Variants in GLI2 observed in about 807,000 individuals in gnomAD.
GLI2 encodes GLI family zinc finger 2.
In GLI2, 22 loss-of-function variants were observed where a neutral mutation model predicts 78.9. That is an observed-to-expected ratio of 0.28 (90% confidence interval 0.20 to 0.40). The LOEUF is 0.40. GLI2 is among the 10% of genes least tolerant of loss of function. The probability of loss-of-function intolerance (pLI) is 1.00; values close to 1 mark genes in which losing one functional copy is unlikely to be tolerated. For synonymous variants in GLI2, 974 were observed against 963.7 expected, an observed-to-expected ratio of 1.01 and a Z score of -0.20; for missense variants, 2,097 against 2,213.2, an observed-to-expected ratio of 0.95 and a Z score of 1.05.
intron 2 of GLI2, among the ~76,000 whole-genome samples, chr2:120,824,787 C>A (rs1685959400): frequency 6.6e-6 from 1 of 152,198 alleles, no homozygotes; most frequent in African/African-American, 2.4e-5. Context: ...ACTCCCTTGT[C>A]AGTGACACAC....
intron 11 of GLI2, 70 bp from the exon 12 acceptor site, chr2:120,984,401 C>A: frequency 1.3e-6 from 2 of 1,522,622 alleles, no homozygotes; most frequent in Non-Finnish European, 1.8e-6. Flanking sequence ...TTCAGGAGAA[C>A]AGGGAGAGCG....
chr2:120,986,102 C>G (rs1206368658), intron 12 of GLI2, among the ~76,000 whole-genome samples, 176 bp from the exon 13 acceptor site: 1 of 152,364 alleles, frequency 6.6e-6, no homozygotes, highest in South Asian at 2.1e-4. Context: ...GTGACTTGAC[C>G]GTTTTAAGCA....
At position 120,988,793 on chromosome 2, in the gene GLI2, A is replaced by G; in HGVS notation, c.2828A>G (p.Glu943Gly). 2.2e-6 allele frequency: 3 copies of G among 1,370,262 alleles called. No individual in the cohort carries two copies. Among genetic ancestry groups the G allele is most frequent in the Non-Finnish European group, 1.9e-6 (2 of 1,061,674 alleles). The allele number at this position is 1,370,262 out of a possible 1,614,324, so 84.9% of individuals were successfully genotyped here. The change falls in exon 14 of 14, where the codon GAG (glutamate) becomes GGG (glycine). Residue 943 changes from glutamate to glycine, a missense_variant. This residue lies in a region of GLI2 where 1,290 missense variants were observed against 1,261.7 expected (regional missense o/e 1.02). Coordinates refer to ENST00000361492, the MANE Select transcript of GLI2 (RefSeq NM_001374353.1). Reference protein sequence around the residue: ...HAGAAPAFPHEAPGGGARRAS... With the variant: ...HAGAAPAFPHGAPGGGARRAS... Reference sequence around the variant, plus strand: ...GGGGCTGCGCCCGCCTTCCCCCACGAGGCTCCAGGCGGCGGAGCCAGGCGG... The same window carrying G: ...GGGGCTGCGCCCGCCTTCCCCCACGGGGCTCCAGGCGGCGGAGCCAGGCGG...
chr2:120,972,612 T>G (rs1468078047), intron 8 of GLI2: 1 of 518,268 alleles, frequency 1.9e-6, no homozygotes, highest in Non-Finnish European at 3.9e-6. Context: ...CTCTAAGCTT[T>G]GGAGAGGTGG....
intron 1 of GLI2, among the ~76,000 whole-genome samples, chr2:120,750,120 A>G (rs894499395): frequency 6.6e-6 from 1 of 152,246 alleles, no homozygotes; most frequent in Non-Finnish European, 1.5e-5. Flanking sequence ...CAGCAGAGAC[A>G]TCCTCTGCCT....
chr2:120,876,958 C>T (rs568361861), intron 2 of GLI2, among the ~76,000 whole-genome samples: 2 of 152,346 alleles, frequency 1.3e-5, no homozygotes, highest in South Asian at 2.1e-4. Flanking sequence ...GTGTAAGCTT[C>T]AGGCCCCATG....
intron 1 of GLI2, among the ~76,000 whole-genome samples, chr2:120,765,608 G>T (rs919657758): frequency 3.3e-5 from 5 of 152,230 alleles, no homozygotes; most frequent in African/African-American, 1.2e-4. Flanking sequence ...GGGTGTGCCT[G>T]AACCTTTCCC....
At chr2:120,769,129 C>T (rs1573359891) in intron 1 of GLI2, among the ~76,000 whole-genome samples, 2 of 152,268 alleles carry the variant, frequency 1.3e-5, no homozygotes, top group East Asian at 1.9e-4. Context: ...CAAAGAGCAC[C>T]GCTCACCTCC....
intron 2 of GLI2, among the ~76,000 whole-genome samples, chr2:120,835,272 A>G (rs1477044747): frequency 6.6e-6 from 1 of 152,086 alleles, no homozygotes; most frequent in African/African-American, 2.4e-5. Flanking sequence ...AGCACAACCA[A>G]TACCAGGCTT....
At chr2:120,971,690 C>A (rs900613828) in intron 7 of GLI2, among the ~76,000 whole-genome samples, 3 of 152,168 alleles carry the variant, frequency 2.0e-5, no homozygotes, top group African/African-American at 7.2e-5. Context: ...AGGTCTCTTT[C>A]CCATTTCCCA....
intron 1 of GLI2, among the ~76,000 whole-genome samples, chr2:120,773,297 G>A (rs552443418): frequency 6.6e-6 from 1 of 152,250 alleles, no homozygotes; most frequent in East Asian, 1.9e-4. Context: ...GTAGGATATC[G>A]GTGTGCCTGA....
At chr2:120,740,803 G>A (rs1463756268) in intron 1 of GLI2, among the ~76,000 whole-genome samples, 1 of 152,238 alleles carries the variant, frequency 6.6e-6, no homozygotes, top group Non-Finnish European at 1.5e-5. Flanking sequence ...TCATTAGCAC[G>A]GGATTGGGAT....
chr2:120,807,130 A>G (rs1342231879), intron 2 of GLI2, among the ~76,000 whole-genome samples: 1 of 152,144 alleles, frequency 6.6e-6, no homozygotes, highest in South Asian at 2.1e-4. Flanking sequence ...GTGTGATTGC[A>G]AAGTGTGGCA....
chr2:120,755,360 A>G (rs902603014), intron 1 of GLI2, among the ~76,000 whole-genome samples: 1 of 152,102 alleles, frequency 6.6e-6, no homozygotes, highest in African/African-American at 2.4e-5. Flanking sequence ...TAGTGATGTG[A>G]TTCTTTTGGT....
At chr2:120,959,041 C>T (rs925638397) in intron 5 of GLI2, among the ~76,000 whole-genome samples, 3 of 152,218 alleles carry the variant, frequency 2.0e-5, no homozygotes, top group Admixed American at 6.5e-5. Context: ...AGGAATGTAG[C>T]TGTTGGCTCA....
intron 2 of GLI2, among the ~76,000 whole-genome samples, chr2:120,908,146 C>T (rs1227099262): frequency 6.6e-6 from 1 of 152,184 alleles, no homozygotes; most frequent in East Asian, 1.9e-4. Context: ...AGTGGGGACT[C>T]TTATAGCAGA....
intron 1 of GLI2, among the ~76,000 whole-genome samples, chr2:120,753,062 A>G (rs1159455594): frequency 2.0e-5 from 3 of 148,026 alleles, no homozygotes; most frequent in Non-Finnish European, 4.5e-5. Flanking sequence ...ACTTCGGGGT[A>G]TAAGGGTGGG....
chr2:120,903,717 C>T (rs967155959), intron 2 of GLI2, among the ~76,000 whole-genome samples: 1 of 152,188 alleles, frequency 6.6e-6, no homozygotes, highest in Non-Finnish European at 1.5e-5. Context: ...GTGACCTACA[C>T]AACACACAGT....
At chr2:120,810,483 T>G (rs144544214) in intron 2 of GLI2, among the ~76,000 whole-genome samples, 113 of 152,196 alleles carry the variant, frequency 7.4e-4, no homozygotes, top group Non-Finnish European at 1.3e-3. Flanking sequence ...CCCTCCTCCC[T>G]CTACCTCATG....
Sources: allele counts gnomAD v4.1 joint callset (sites outside exome capture counted in the v4.1 genomes callset), GRCh38; gene constraint gnomAD v4.1.1; regional missense constraint gnomAD v4.1.1; transcripts MANE v1.5; gene names NCBI Gene and HGNC (gene_info 2026-07-23, HGNC 2026-07-21).